Variants in FRMD5 observed in about 807,000 individuals in gnomAD.
FRMD5 encodes FERM domain containing 5.
Under a neutral mutation model 69.0 loss-of-function variants are expected in FRMD5, and 20 were observed. The ratio of observed to expected loss-of-function variants is 0.29; its 90% CI spans 0.20 to 0.42. FRMD5 has a LOEUF of 0.42. Among genes scored for constraint, FRMD5 ranks in the 10% least tolerant of loss-of-function variants. The pLI, the probability that FRMD5 is intolerant of heterozygous loss-of-function variation, is 1.00. For missense variants in FRMD5, 595 were observed against 708.6 expected, an observed-to-expected ratio of 0.84 and a Z score of 1.82; for synonymous variants, 271 against 260.1, an observed-to-expected ratio of 1.04 and a Z score of -0.40.
At chr15:44,021,687 G>C (rs1891214586) in intron 1 of FRMD5, among the ~76,000 whole-genome samples, 1 of 152,230 alleles carries the variant, frequency 6.6e-6, no homozygotes, top group South Asian at 2.1e-4. Context: ...GGAGAAACTA[G>C]AACTCTTATA....
intron 1 of FRMD5, among the ~76,000 whole-genome samples, chr15:44,016,173 A>G (rs1890948280): frequency 6.6e-6 from 1 of 152,204 alleles, no homozygotes; most frequent in African/African-American, 2.4e-5. Context: ...AACATCTGCA[A>G]ACCCAGAATG....
At chr15:43,939,198 A>T (rs2089819240) in intron 1 of FRMD5, among the ~76,000 whole-genome samples, 1 of 151,982 alleles carries the variant, frequency 6.6e-6, no homozygotes, top group Admixed American at 6.6e-5. Flanking sequence ...TGATCAGAAC[A>T]TTTCTGAATT....
At chr15:44,044,241 G>C (rs1192715572) in intron 1 of FRMD5, among the ~76,000 whole-genome samples, 1 of 152,202 alleles carries the variant, frequency 6.6e-6, no homozygotes, top group Non-Finnish European at 1.5e-5. Context: ...ATGCCAGTTA[G>C]AATGGCGATC....
At chr15:43,968,236 C>T (rs1595570319) in intron 1 of FRMD5, among the ~76,000 whole-genome samples, 1 of 152,130 alleles carries the variant, frequency 6.6e-6, no homozygotes, top group Non-Finnish European at 1.5e-5. Context: ...TGACGCAAAT[C>T]CCCCACATCA....
intron 1 of FRMD5, among the ~76,000 whole-genome samples, chr15:44,026,615 C>G (rs746998857): frequency 1.3e-5 from 2 of 152,036 alleles, no homozygotes; most frequent in Non-Finnish European, 2.9e-5. Context: ...ATAAAGTATC[C>G]GAAGTTAGGA....
chr15:44,149,759 T>C (rs941333199), intron 1 of FRMD5, among the ~76,000 whole-genome samples: 1 of 152,026 alleles, frequency 6.6e-6, no homozygotes, highest in African/African-American at 2.4e-5. Flanking sequence ...AAGCAAAGAC[T>C]GAAAGAAATG....
At chr15:44,184,901 GATAGT>G (rs2078073208) in intron 1 of FRMD5, among the ~76,000 whole-genome samples, 1 of 152,154 alleles carries the variant, frequency 6.6e-6, no homozygotes, top group Non-Finnish European at 1.5e-5. Context: ...TTTGCAGCAA[GATAGT>G]ATATCATTAT....
At chr15:44,024,968 AG>A (rs913247618) in intron 1 of FRMD5, among the ~76,000 whole-genome samples, 8 of 152,242 alleles carry the variant, frequency 5.3e-5, no homozygotes, top group Non-Finnish European at 1.0e-4. Flanking sequence ...GGAGAGTAAC[AG>A]ATTTGCTTTT....
Position 43,897,951 on chromosome 15 carries a change from G to GC in FRMD5, c.639+4223dup, listed in dbSNP as rs200892084. 7.5e-3 allele frequency among the ~76,000 whole-genome samples: 1,096 copies of GC among 145,550 alleles called. 18 individuals carry two copies. Among genetic ancestry groups the GC allele is most frequent in the African/African-American group, 0.03 (1,055 of 35,274 alleles). On this transcript the variant is annotated intron_variant, in intron 7 of 13. Transcript: ENST00000417257. ...TCTTTCCTGCTGCCATGTAAGACAT[G>GC]CCTGCTTCCCCTTCCGCTATGATTG...
intron 1 of FRMD5, among the ~76,000 whole-genome samples, chr15:44,103,570 T>G (rs1177464232): frequency 6.6e-6 from 1 of 152,226 alleles, no homozygotes; most frequent in Non-Finnish European, 1.5e-5. Flanking sequence ...TTAAAGTGTA[T>G]AATTCAGTGG....
At position 43,984,421 on chromosome 15, in the gene FRMD5, G is replaced by T. The variant is rs1278075649; in HGVS notation, c.103-60112C>A. The stretch of plus-strand genomic sequence containing the variant: ...TGGACAGCAGCTTAGGCACCAGTGG[G>T]CAGGCACAGAGCAGGCAGAGGGTAA... On this transcript the variant is annotated intron_variant, in intron 1 of 13. Transcript: ENST00000417257. Among the ~76,000 whole-genome samples, 4 of 152,206 alleles carry T rather than the reference G, an allele frequency of 2.6e-5. No homozygotes were observed. In the East Asian group the frequency reaches 7.7e-4, roughly 29 times the overall value.
At chr15:44,140,080 T>G (rs1049708842) in intron 1 of FRMD5, among the ~76,000 whole-genome samples, 2 of 152,058 alleles carry the variant, frequency 1.3e-5, no homozygotes, top group Non-Finnish European at 2.9e-5. Flanking sequence ...CATATATGTG[T>G]GTATACATAT....
At chr15:44,102,442 T>C (rs570255126) in intron 1 of FRMD5, among the ~76,000 whole-genome samples, 2 of 152,302 alleles carry the variant, frequency 1.3e-5, no homozygotes, top group South Asian at 4.2e-4. Context: ...AATGTACTTC[T>C]GGTAAACGGA....
Position 43,955,787 on chromosome 15 carries a change from T to G in FRMD5, c.103-31478A>C, listed in dbSNP as rs545716404. On this transcript the variant is annotated intron_variant, in intron 1 of 13. Coordinates refer to ENST00000417257, the MANE Select transcript of FRMD5 (RefSeq NM_032892.5). ...TGAACTGTCTCTATTCTGGTTATAATCAAGTAAAAGGCACCCACTTCAGAG... is the reference window on the plus strand; with the variant it reads ...TGAACTGTCTCTATTCTGGTTATAAGCAAGTAAAAGGCACCCACTTCAGAG... 1.4e-4 allele frequency among the ~76,000 whole-genome samples: 22 copies of G among 152,230 alleles called. No individual in the cohort carries two copies. In the South Asian group the frequency reaches 4.6e-3, roughly 32 times the overall value.
Position 44,161,007 on chromosome 15 carries a change from C to T in FRMD5, c.102+33946G>A, listed in dbSNP as rs967234394. Among the ~76,000 whole-genome samples the T allele has an allele frequency of 1.2e-4, 18 of 152,314 alleles. No homozygotes were observed. In the East Asian group the frequency reaches 3.1e-3, roughly 26 times the overall value. On this transcript the variant is annotated intron_variant, in intron 1 of 13. Coordinates refer to ENST00000417257, the MANE Select transcript of FRMD5 (RefSeq NM_032892.5). ...GAGGCAGGTAATTCACTAAATAGCA[C>T]CCTCGTGGCACAAAAGAGTAAATAC...
chr15:44,163,697 T>C (rs2077660053), intron 1 of FRMD5, among the ~76,000 whole-genome samples: 1 of 152,324 alleles, frequency 6.6e-6, no homozygotes, highest in South Asian at 2.1e-4. Flanking sequence ...AACGTCCAAG[T>C]ATTCATTCTT....
intron 1 of FRMD5, among the ~76,000 whole-genome samples, chr15:43,943,790 C>T (rs149137669): frequency 1.9e-4 from 29 of 152,350 alleles, no homozygotes; most frequent in African/African-American, 6.0e-4. Context: ...TCTGCTGACA[C>T]CTTGATTTCA....
At chr15:43,992,087 T>C (rs538756344) in intron 1 of FRMD5, among the ~76,000 whole-genome samples, 32 of 152,356 alleles carry the variant, frequency 2.1e-4, no homozygotes, top group Admixed American at 1.6e-3. Flanking sequence ...AATTCTGGCT[T>C]TGAAAATAAT....
At chr15:43,994,150 T>C (rs1016453708) in intron 1 of FRMD5, among the ~76,000 whole-genome samples, 2 of 152,196 alleles carry the variant, frequency 1.3e-5, no homozygotes, top group African/African-American at 4.8e-5. Flanking sequence ...TTGTGGATCC[T>C]TTTTTCCTTC....
Sources: allele counts gnomAD v4.1 joint callset (sites outside exome capture counted in the v4.1 genomes callset), GRCh38; gene constraint gnomAD v4.1.1; transcripts MANE v1.5; gene names NCBI Gene and HGNC (gene_info 2026-07-23, HGNC 2026-07-21).